The following COX15 variants were observed in gnomAD, a reference collection of about 807,000 sequenced individuals.
The protein encoded by COX15 is heme A synthase COX15.
A neutral mutation model predicts 51.9 loss-of-function variants in COX15; 51 were observed. The observed-to-expected ratio is 0.98, with a 90% CI of 0.78 to 1.24. COX15 has a LOEUF of 1.24. Among genes scored for constraint, COX15 ranks in the 50% most tolerant of loss-of-function variants. The pLI is 0.00. For synonymous variants in COX15, 188 were observed against 190.5 expected (o/e 0.99, Z 0.11); for missense variants, 420 against 501.1 (o/e 0.84, Z 1.55).
chr10:99,698,099 C>T, the COX15 span: 3 of 208,432 alleles, frequency 1.4e-5, no homozygotes, highest in South Asian at 7.8e-5. Flanking sequence ...AGCCATTGCA[C>T]ATGGGCCACT....
At chr10:99,721,493 T>G (rs2036769810) in intron 5 of COX15, among the ~76,000 whole-genome samples, 1 of 152,236 alleles carries the variant, frequency 6.6e-6, no homozygotes, top group Non-Finnish European at 1.5e-5. Flanking sequence ...ATAGTCAGAA[T>G]CAAAATTGCA....
downstream of COX15, chr10:99,706,002 A>G (rs2036243396): frequency 6.6e-6 from 1 of 152,196 alleles, no homozygotes; most frequent in Non-Finnish European, 1.5e-5. Flanking sequence ...TCCTACATGT[A>G]GCCTTGAATG....
intron 2 of COX15, 88 bp downstream of exon 2, chr10:99,729,459 CAAAAAA>C (rs35588478): frequency 4.1e-3 from 4,947 of 1,203,224 alleles, no homozygotes; most frequent in Middle Eastern, 6.8e-3. Context: ...GACTCTGTCT[CAAAAAA>C]AAAAAAAAAA....
chr10:99,728,178 T>C (rs545732999), intron 2 of COX15, among the ~76,000 whole-genome samples: 1 of 152,310 alleles, frequency 6.6e-6, no homozygotes, highest in South Asian at 2.1e-4. Context: ...TCGGAACATC[T>C]TGTCATACTA....
rs1444806166 is a variant in COX15 at position 99,713,703 on chromosome 10, C to A, written c.*884G>T. On this transcript the variant is annotated 3_prime_UTR_variant, in exon 9 of 9. Transcript: ENST00000016171. ...AAGAGGAACTAGCTGGGCGTGGTGG[C>A]CCATGCCTGTAATCTCAGCACTTTG... 6.0e-6 allele frequency: 4 copies of A among 671,430 alleles called. No individual in the cohort carries two copies. Among genetic ancestry groups the A allele is most frequent in the Non-Finnish European group, 9.4e-6 (4 of 424,158 alleles). 41.6% of individuals were successfully genotyped at this position (671,430 alleles called of 1,614,324 possible). A position where few individuals can be genotyped will look rare whatever the true frequency, so the allele number is the denominator to read the frequency against.
At chr10:99,704,469 G>A in the COX15 span, 2 of 1,614,074 alleles carry the variant, frequency 1.2e-6, no homozygotes, top group East Asian at 2.2e-5. Context: ...CGGCAGGAAG[G>A]TGTCCGACAA....
At chr10:99,723,668 G>A (rs1564648111) in intron 5 of COX15, among the ~76,000 whole-genome samples, 1 of 152,044 alleles carries the variant, frequency 6.6e-6, no homozygotes, top group African/African-American at 2.4e-5. Context: ...CCCATTTAAC[G>A]AACAATATAG....
In COX15 at chr10:99,718,354, G is replaced by T. The variant is rs200799839; in HGVS notation, c.979C>A (p.Arg327=). 6.2e-7 allele frequency: 1 copy of T among 1,614,074 alleles called. No individual in the cohort carries two copies. Among genetic ancestry groups the T allele is most frequent in the South Asian group, 1.1e-5 (1 of 91,062 alleles). The change falls in exon 7 of 9, where the codon CGG becomes AGG. Residue 327 remains arginine (R), a synonymous_variant. Coordinates refer to ENST00000016171, the MANE Select transcript of COX15 (RefSeq NM_078470.6). The stretch of plus-strand genomic sequence containing the variant: ...CCACCAACTACACTTACCAGAATCC[G>T]GTGATCAAACTGCACCATGGTGGGA... ...ENPTMVQFDH[R]ILGITSVTAI...
chr10:99,705,951 T>C (rs7903514), downstream of COX15: 61,841 of 152,034 alleles, frequency 0.41, 12,862 homozygotes, highest in East Asian at 0.62. Context: ...GGATTTCTCT[T>C]CATCAGGGTC....
chr10:99,721,915 G>C, intron 5 of COX15, among the ~76,000 whole-genome samples: 1 of 152,024 alleles, frequency 6.6e-6, no homozygotes, highest in Non-Finnish European at 1.5e-5. Context: ...CCAGACTGGA[G>C]TGCAGTGGCA....
chr10:99,712,116 G>A lies in COX15; in HGVS notation c.*2471C>T, dbSNP rs150810981. The A allele has an allele frequency of 4.3e-5, 23 of 539,232 alleles. No individual in the cohort carries two copies. Among genetic ancestry groups the A allele is most frequent in the South Asian group, 4.0e-4 (5 of 12,552 alleles). 33.4% of individuals were successfully genotyped at this position (539,232 alleles called of 1,614,324 possible). A position where few individuals can be genotyped will look rare whatever the true frequency, so the allele number is the denominator to read the frequency against. On this transcript the variant is annotated 3_prime_UTR_variant, in exon 9 of 9. Coordinates refer to ENST00000016171, the MANE Select transcript of COX15 (RefSeq NM_078470.6). Reference sequence around the variant, plus strand: ...GCACAAAGTCATACATAAGGGATCCGCCCCCATGACCCAAATACCTCCTAC... The same window carrying A: ...GCACAAAGTCATACATAAGGGATCCACCCCCATGACCCAAATACCTCCTAC...
Position 99,714,162 on chromosome 10 carries a change from T to A in COX15, c.*425A>T. 1 of 1,053,724 alleles carries A rather than the reference T, an allele frequency of 9.5e-7. No homozygotes were observed. The highest frequency in any genetic ancestry group is 3.2e-5 in the South Asian group (1 of 31,182). 65.3% of individuals were successfully genotyped at this position (1,053,724 alleles called of 1,614,324 possible). ...CAGCTGGCTACTTTGGGTATGTCAA[T>A]CCTATCCTTTCAATCTTCACCTAAT... On this transcript the variant is annotated 3_prime_UTR_variant, in exon 9 of 9. Coordinates refer to ENST00000016171, the MANE Select transcript of COX15 (RefSeq NM_078470.6).
chr10:99,700,908 C>T, the COX15 span: 3 of 1,303,422 alleles, frequency 2.3e-6, no homozygotes, highest in Non-Finnish European at 3.3e-6. Context: ...ACAGCTGTGA[C>T]TGTGGGGAAG....
chr10:99,710,028 C>A, downstream of COX15: 2 of 985,446 alleles, frequency 2.0e-6, no homozygotes, highest in Non-Finnish European at 2.4e-6. Flanking sequence ...TTCTGAATCA[C>A]AGGCTATGTA....
At chr10:99,722,503 C>T (rs2036806585) in intron 5 of COX15, among the ~76,000 whole-genome samples, 1 of 152,088 alleles carries the variant, frequency 6.6e-6, no homozygotes, top group South Asian at 2.1e-4. Context: ...AAGATGAATT[C>T]ATTTTAGAAG....
At chr10:99,698,839 C>G in the COX15 span, 1 of 1,604,398 alleles carries the variant, frequency 6.2e-7, no homozygotes, top group South Asian at 1.1e-5. Flanking sequence ...CATGGGCCAA[C>G]ATTTGCCAAG....
chr10:99,710,171 T>C (rs1482603474), downstream of COX15: 37 of 985,266 alleles, frequency 3.8e-5, no homozygotes, highest in Non-Finnish European at 3.6e-5. Flanking sequence ...CCCTGGTACT[T>C]TCCTAAGTGG....
chr10:99,729,752 C>T lies in COX15; in HGVS notation c.91-18G>A, dbSNP rs755945298. ...CAATCACACTAAAGATCAAGATAGACAAATTACAACTGGAGAAACAGGGAA... is the reference window on the plus strand; with the variant it reads ...CAATCACACTAAAGATCAAGATAGATAAATTACAACTGGAGAAACAGGGAA... On this transcript the variant is annotated intron_variant, in intron 1 of 8. Coordinates refer to ENST00000016171, the MANE Select transcript of COX15 (RefSeq NM_078470.6). The T allele has an allele frequency of 1.5e-5, 25 of 1,613,540 alleles. No homozygotes were observed. In the South Asian group the frequency reaches 2.6e-4, roughly 17 times the overall value.
chr10:99,714,561 G>A lies in COX15; in HGVS notation c.*26C>T, dbSNP rs368724833. 35 of 1,613,736 alleles carry A rather than the reference G, an allele frequency of 2.2e-5. No homozygotes were observed. The highest frequency in any genetic ancestry group is 2.9e-5 in the Non-Finnish European group (34 of 1,179,900). On this transcript the variant is annotated 3_prime_UTR_variant, in exon 9 of 9. Transcript: ENST00000016171. Reference sequence around the variant, plus strand: ...TGAAGAGCTCTCAAAAGCAGTCACAGTCCCAGGAGGCTGGTCCTCTAAGAA... The same window carrying A: ...TGAAGAGCTCTCAAAAGCAGTCACAATCCCAGGAGGCTGGTCCTCTAAGAA...
Sources: gnomAD v4.1 joint callset for allele counts (sites outside exome capture counted in the v4.1 genomes callset) on GRCh38, gnomAD v4.1.1 for gene constraint, MANE v1.5 for transcripts, NCBI Gene and HGNC (gene_info 2026-07-23, HGNC 2026-07-21) for gene names.